The following N4BP1 variants were observed in gnomAD, a reference collection of about 807,000 sequenced individuals.
N4BP1 encodes NEDD4-binding protein 1.
N4BP1 carries 21 observed loss-of-function variants against 70.9 expected under a neutral mutation model. The observed-to-expected ratio is 0.30, with a 90% CI of 0.21 to 0.43. The LOEUF is 0.43. N4BP1 is among the 20% of genes least tolerant of loss of function. N4BP1 has a pLI of 1.00. For synonymous variants in N4BP1, 387 were observed against 394.6 expected (o/e 0.98, Z 0.23); for missense variants, 936 against 1,069.4 (o/e 0.88, Z 1.74).
At chr16:48,608,672 TAGAGGTGCTGA>T (rs1015049812) in intron 1 of N4BP1, among the ~76,000 whole-genome samples, 6 of 150,130 alleles carry the variant, frequency 4.0e-5, no homozygotes, top group African/African-American at 1.5e-4. Flanking sequence ...GGGAAGTAGA[TAGAGGTGCTGA>T]AGAGGTCTGA....
intron 5 of N4BP1, 58 bp from the exon 6 acceptor site, chr16:48,546,312 G>T: frequency 1.6e-6 from 2 of 1,254,284 alleles, no homozygotes; most frequent in Non-Finnish European, 2.2e-6. Context: ...CAGGGCCTGC[G>T]TAAGGATCCC....
At chr16:48,543,343 A>C in intron 6 of N4BP1, 82 bp from the exon 7 acceptor site, 1 of 1,159,900 alleles carries the variant, frequency 8.6e-7, no homozygotes, top group Non-Finnish European at 1.2e-6. Flanking sequence ...TACCTGCGGC[A>C]GGCCTTGAGG....
intron 2 of N4BP1, among the ~76,000 whole-genome samples, chr16:48,554,195 G>GAACAGC (rs369246481): frequency 4.0e-5 from 6 of 151,016 alleles, no homozygotes; most frequent in African/African-American, 1.5e-4. Context: ...AAAATTAAAA[G>GAACAGC]AACAGCAACA....
intron 1 of N4BP1, among the ~76,000 whole-genome samples, chr16:48,583,993 T>A (rs756433207): frequency 6.6e-6 from 1 of 152,198 alleles, no homozygotes; most frequent in Non-Finnish European, 1.5e-5. Flanking sequence ...GTTGTCTCCT[T>A]TTCTTCTGAT....
intron 1 of N4BP1, among the ~76,000 whole-genome samples, chr16:48,581,057 A>G (rs1371755585): frequency 2.0e-5 from 3 of 152,164 alleles, no homozygotes; most frequent in Non-Finnish European, 4.4e-5. Context: ...AGAGAATTCA[A>G]TAACACATTA....
intron 1 of N4BP1, chr16:48,600,475 C>A: frequency 1.6e-6 from 1 of 608,010 alleles, no homozygotes; most frequent in South Asian, 1.5e-5. Flanking sequence ...AAACGCCAAG[C>A]TAAATTTATA....
At chr16:48,591,591 T>A (rs1302745937) in intron 1 of N4BP1, among the ~76,000 whole-genome samples, 1 of 151,120 alleles carries the variant, frequency 6.6e-6, no homozygotes, top group Non-Finnish European at 1.5e-5. Context: ...TCAACTTAAT[T>A]AAAAATGGAT....
At position 48,543,184 on chromosome 16, in the gene N4BP1, G is replaced by T. The variant is rs775762206; in HGVS notation, c.2411C>A (p.Ala804Glu). The change falls in exon 7 of 7, where the codon GCA (alanine) becomes GAA (glutamate). Residue 804 changes from alanine to glutamate, a missense_variant. Ala to Glu is a moderately radical substitution (Grantham distance 107, BLOSUM62 -1). Around this residue, in one of 4 missense-constraint regions of N4BP1, gnomAD observed 229 missense variants for 343.5 expected, o/e 0.67. Coordinates refer to ENST00000262384, the MANE Select transcript of N4BP1 (RefSeq NM_153029.4). ...DPSFRVPGTQ[A>E]ASTSHQPPTR... is the part of the protein sequence containing the mutation. ...CGGAGGCTGGTGGCTGGTGCTGGCT[G>T]CCTGGGTGCCAGGGACTCTGAAGCT... is the stretch of plus-strand genomic sequence containing the variant. The T allele has an allele frequency of 1.3e-6, 2 of 1,592,766 alleles. No individual in the cohort carries two copies. The highest frequency in any genetic ancestry group is 1.7e-6 in the Non-Finnish European group (2 of 1,166,332).
At chr16:48,600,837 A>C (rs528106426) in intron 1 of N4BP1, among the ~76,000 whole-genome samples, 258 of 152,374 alleles carry the variant, frequency 1.7e-3, no homozygotes, top group African/African-American at 6.1e-3. Context: ...TTAAATCTTC[A>C]CTGATAGATA....
rs1963528581 is a variant in N4BP1 at position 48,542,979 on chromosome 16, C to T, written c.2616G>A (p.Leu872=). The T allele has an allele frequency of 6.2e-7, 1 of 1,614,038 alleles. No individual in the cohort carries two copies. The highest frequency in any genetic ancestry group is 1.1e-5 in the South Asian group (1 of 91,080). Residue 872 remains leucine (L), a synonymous_variant, in exon 7 of 7, where the codon CTG becomes CTA. Coordinates refer to ENST00000262384, the MANE Select transcript of N4BP1 (RefSeq NM_153029.4). ...GGGCCACCAAGATCTGGTCTATTTTCAGTCTTTGCTCTGAGTCAGGGAAGA... is the reference window on the plus strand; with the variant it reads ...GGGCCACCAAGATCTGGTCTATTTTTAGTCTTTGCTCTGAGTCAGGGAAGA... The part of the protein sequence containing the change: ...LKIFPDSEQR[L]KIDQILVAHP...
intron 1 of N4BP1, among the ~76,000 whole-genome samples, chr16:48,596,217 T>C (rs1964412643): frequency 6.6e-6 from 1 of 152,228 alleles, no homozygotes; most frequent in African/African-American, 2.4e-5. Context: ...TTTTTTCCTC[T>C]GCAATTTAGA....
At chr16:48,587,082 A>C (rs1235231271) in intron 1 of N4BP1, 2 of 152,244 alleles carry the variant, frequency 1.3e-5, no homozygotes, top group East Asian at 3.8e-4. Context: ...CTTGTCATTA[A>C]CAAGTGGTTT....
rs1377137148 is a variant in N4BP1, at chr16:48,548,080, T to C, written c.2152A>G (p.Ile718Val). 2 of 1,613,276 alleles carry C rather than the reference T, an allele frequency of 1.2e-6. No homozygotes were observed. Among genetic ancestry groups the C allele is most frequent in the South Asian group, 1.1e-5 (1 of 91,064 alleles). ...LLHLADKTGG[I>V]IVTNDNFREF... is the part of the protein sequence containing the mutation. Reference sequence around the variant, plus strand: ...CTGAAATTATCATTTGTCACAATTATGCCACCAGTTTTGTCCGCTAAGTGT... The same window carrying C: ...CTGAAATTATCATTTGTCACAATTACGCCACCAGTTTTGTCCGCTAAGTGT... The change falls in exon 5 of 7, where the codon ATA becomes GTA. Residue 718 changes from isoleucine to valine, a missense_variant. Ile to Val is a conservative substitution (Grantham distance 29). Transcript: ENST00000262384.
intron 3 of N4BP1, among the ~76,000 whole-genome samples, 158 bp from the exon 4 acceptor site, chr16:48,551,640 ACAAG>A (rs1453199259): frequency 6.6e-6 from 1 of 152,154 alleles, no homozygotes; most frequent in Non-Finnish European, 1.5e-5. Context: ...TAAAAAAAAA[ACAAG>A]CAAGACCCAT....
intron 4 of N4BP1, among the ~76,000 whole-genome samples, chr16:48,549,829 G>A (rs962311530): frequency 6.6e-6 from 1 of 152,068 alleles, no homozygotes; most frequent in Non-Finnish European, 1.5e-5. Context: ...CACTAGCTTG[G>A]GTCACAAGCT....
intron 1 of N4BP1, among the ~76,000 whole-genome samples, chr16:48,596,938 A>G (rs1314561068): frequency 6.6e-6 from 1 of 152,164 alleles, no homozygotes; most frequent in Non-Finnish European, 1.5e-5. Flanking sequence ...CCTGCAGTCA[A>G]TGGATCAGCT....
chr16:48,574,728 C>T (rs1964067639), intron 1 of N4BP1, among the ~76,000 whole-genome samples: 1 of 152,036 alleles, frequency 6.6e-6, no homozygotes. Flanking sequence ...TATTATTTAC[C>T]AACAAATCCA....
At chr16:48,584,718 T>C (rs918635034) in intron 1 of N4BP1, among the ~76,000 whole-genome samples, 2 of 151,978 alleles carry the variant, frequency 1.3e-5, no homozygotes, top group East Asian at 3.9e-4. Context: ...TGAGTCCAGC[T>C]AATAACACAC....
chr16:48,609,730 G>T, intron 1 of N4BP1, 45 bp downstream of exon 1: 1 of 1,297,584 alleles, frequency 7.7e-7, no homozygotes, highest in South Asian at 2.1e-5. Flanking sequence ...CGGAGACCCG[G>T]ACCGATCGAG....
Sources: allele counts gnomAD v4.1 joint callset (sites outside exome capture counted in the v4.1 genomes callset), GRCh38; gene constraint gnomAD v4.1.1; regional missense constraint gnomAD v4.1.1; transcripts MANE v1.5; gene names NCBI Gene and HGNC (gene_info 2026-07-23, HGNC 2026-07-21).